The following SLC24A3 variants were observed in gnomAD, a reference collection of about 807,000 sequenced individuals.
SLC24A3 encodes the protein solute carrier family 24 member 3, also known as sodium/potassium/calcium exchanger 3.
A neutral mutation model predicts 75.8 loss-of-function variants in SLC24A3; 28 were observed. The observed-to-expected ratio is 0.37, with a 90% CI of 0.27 to 0.51. SLC24A3 has a LOEUF of 0.51. Ranked by LOEUF, SLC24A3 falls within the 20% of genes least tolerant of loss-of-function variation. SLC24A3 has a pLI of 0.94. For synonymous variants in SLC24A3, 372 were observed against 334.1 expected (o/e 1.11, Z -1.24); for missense variants, 663 against 847.8 (o/e 0.78, Z 2.71).
chr20:19,257,643 T>C (rs1467002839), intron 1 of SLC24A3: 1 of 152,214 alleles, frequency 6.6e-6, no homozygotes, highest in Non-Finnish European at 1.5e-5. Flanking sequence ...TTCTGGGTGC[T>C]GGAGGGAAAT....
At chr20:19,598,040 G>A (rs758768352) in intron 6 of SLC24A3, among the ~76,000 whole-genome samples, 8 of 152,162 alleles carry the variant, frequency 5.3e-5, no homozygotes, top group South Asian at 2.1e-4. Context: ...ACAGTGCAGC[G>A]TATCCCTTCA....
intron 3 of SLC24A3, among the ~76,000 whole-genome samples, chr20:19,539,198 G>T (rs1229086812): frequency 6.6e-6 from 1 of 152,132 alleles, no homozygotes; most frequent in Non-Finnish European, 1.5e-5. Flanking sequence ...ATTCATTCAA[G>T]GTATTCACTT....
chr20:19,255,818 A>T (rs896658197), intron 1 of SLC24A3, among the ~76,000 whole-genome samples: 4 of 152,202 alleles, frequency 2.6e-5, no homozygotes, highest in Non-Finnish European at 4.4e-5. Flanking sequence ...TTTATCGGTC[A>T]AGTGCAGTGG....
At chr20:19,217,245 A>G (rs1981585751) in intron 1 of SLC24A3, among the ~76,000 whole-genome samples, 2 of 152,254 alleles carry the variant, frequency 1.3e-5, no homozygotes, top group Admixed American at 1.3e-4. Context: ...AGAAGGGCAT[A>G]GATACCAGCA....
At chr20:19,408,462 T>C (rs934391703) in intron 2 of SLC24A3, among the ~76,000 whole-genome samples, 1 of 151,764 alleles carries the variant, frequency 6.6e-6, no homozygotes, top group African/African-American at 2.4e-5. Flanking sequence ...TAATCTCAGC[T>C]TACTGCAGCC....
chr20:19,347,394 T>C (rs1302215264), intron 2 of SLC24A3, among the ~76,000 whole-genome samples: 1 of 152,212 alleles, frequency 6.6e-6, no homozygotes, highest in East Asian at 1.9e-4. Context: ...TAATAATGTA[T>C]CAATATTGGT....
intron 15 of SLC24A3, among the ~76,000 whole-genome samples, chr20:19,708,133 C>T (rs2032949629): frequency 6.6e-6 from 1 of 152,116 alleles, no homozygotes; most frequent in Non-Finnish European, 1.5e-5. Flanking sequence ...GATGTTGGAG[C>T]AGCCAAGTAT....
At chr20:19,230,787 T>C (rs1254630588) in intron 1 of SLC24A3, among the ~76,000 whole-genome samples, 1 of 152,186 alleles carries the variant, frequency 6.6e-6, no homozygotes, top group African/African-American at 2.4e-5. Flanking sequence ...TCTTGTGTGT[T>C]AGGCATTCAT....
chr20:19,677,438 G>A (rs1039395027), intron 9 of SLC24A3, among the ~76,000 whole-genome samples: 1 of 152,126 alleles, frequency 6.6e-6, no homozygotes, highest in African/African-American at 2.4e-5. Context: ...AAGTGTGGAG[G>A]CCTTTTCACT....
chr20:19,697,124 G>C (rs1281956713), intron 14 of SLC24A3, among the ~76,000 whole-genome samples: 1 of 152,022 alleles, frequency 6.6e-6, no homozygotes, highest in Non-Finnish European at 1.5e-5. Context: ...GGACCCACCT[G>C]GTAATTAACA....
chr20:19,580,082 C>T lies in SLC24A3; in HGVS notation c.423+8C>T, dbSNP rs1282284916. The stretch of plus-strand genomic sequence containing the variant: ...TTGGAAAAGATCTGTGAGGTACGTG[C>T]CTCACATTCTTGGTATGTGTGAGCC... On this transcript the variant is annotated splice_region_variant and intron_variant, in intron 4 of 16. Transcript: ENST00000328041. 1.9e-6 allele frequency: 3 copies of T among 1,611,952 alleles called. No individual in the cohort carries two copies. The highest frequency in any genetic ancestry group is 2.5e-6 in the Non-Finnish European group (3 of 1,178,234).
intron 2 of SLC24A3, among the ~76,000 whole-genome samples, chr20:19,345,922 C>CA (rs1015167565): frequency 2.6e-5 from 4 of 151,480 alleles, no homozygotes; most frequent in Non-Finnish European, 4.4e-5. Context: ...TTTGATCCAG[C>CA]AATCCCACTA....
chr20:19,406,802 A>C (rs148405815), intron 2 of SLC24A3, among the ~76,000 whole-genome samples: 42 of 152,324 alleles, frequency 2.8e-4, no homozygotes, highest in East Asian at 1.2e-3. Context: ...TTGCCATCCC[A>C]AAGCACAGTG....
rs1033134455 is a variant in SLC24A3 at position 19,497,063 on chromosome 20, G to A, written c.272-18425G>A. ...GCCATTTACCCCATGGGGTACCAGCGATTTGCCCCATGGCCGTAAAATGTG... is the reference window on the plus strand; with the variant it reads ...GCCATTTACCCCATGGGGTACCAGCAATTTGCCCCATGGCCGTAAAATGTG... On this transcript the variant is annotated intron_variant, in intron 2 of 16. Transcript: ENST00000328041. Among the ~76,000 whole-genome samples the A allele has an allele frequency of 6.6e-5, 10 of 152,136 alleles. No individual in the cohort carries two copies. The South Asian group carries it at 1.4e-3, about 22-fold the overall frequency.
chr20:19,319,825 C>T (rs1030968605), intron 2 of SLC24A3, among the ~76,000 whole-genome samples: 11 of 152,160 alleles, frequency 7.2e-5, no homozygotes, highest in African/African-American at 2.4e-4. Context: ...ACAGCTGGTA[C>T]ACCTGTACAT....
At chr20:19,361,164 A>C (rs779724943) in intron 2 of SLC24A3, among the ~76,000 whole-genome samples, 6 of 152,240 alleles carry the variant, frequency 3.9e-5, no homozygotes, top group Non-Finnish European at 7.3e-5. Flanking sequence ...GTTCTTTTGC[A>C]GATCAGCACT....
chr20:19,480,037 A>G (rs960745694), intron 2 of SLC24A3, among the ~76,000 whole-genome samples: 1 of 152,250 alleles, frequency 6.6e-6, no homozygotes, highest in African/African-American at 2.4e-5. Flanking sequence ...TAGTGGTTGC[A>G]AAATCCAGGA....
intron 6 of SLC24A3, among the ~76,000 whole-genome samples, chr20:19,647,070 T>C (rs2032148966): frequency 6.6e-6 from 1 of 152,032 alleles, no homozygotes; most frequent in South Asian, 2.1e-4. Flanking sequence ...GGGTAGGAGG[T>C]GCCAGAGAAT....
In SLC24A3 at chr20:19,454,924, C is replaced by G. The variant is rs138122696; in HGVS notation, c.272-60564C>G. ...ATGATCAGATATGGCTGAGAATACA[C>G]ATTCTCAGCCACTGAGAATTATAGA... On this transcript the variant is annotated intron_variant, in intron 2 of 16. Transcript: ENST00000328041. 2.0e-3 allele frequency among the ~76,000 whole-genome samples: 307 copies of G among 152,298 alleles called. 9 individuals are homozygous for G. In the East Asian group the frequency reaches 0.057, roughly 28 times the overall value.
Sources: allele counts gnomAD v4.1 joint callset (sites outside exome capture counted in the v4.1 genomes callset), GRCh38; gene constraint gnomAD v4.1.1; transcripts MANE v1.5; gene names NCBI Gene and HGNC (gene_info 2026-07-23, HGNC 2026-07-21).